Variants in ANTXR2 observed in about 807,000 individuals in gnomAD.
ANTXR2 encodes anthrax toxin receptor 2.
A neutral mutation model predicts 73.7 loss-of-function variants in ANTXR2; 44 were observed. The observed-to-expected ratio is 0.60, with a 90% CI of 0.47 to 0.77. The LOEUF (loss-of-function observed/expected upper bound fraction) is 0.77, where lower values mean the gene tolerates loss of function less well. Among genes scored for constraint, ANTXR2 ranks in the 30% least tolerant of loss-of-function variants. ANTXR2 has a pLI of 0.00. For synonymous variants in ANTXR2, 217 were observed against 205.9 expected (o/e 1.05, Z -0.46); for missense variants, 604 against 592.5 (o/e 1.02, Z -0.20).
intron 2 of ANTXR2, 70 bp from the exon 3 acceptor site, chr4:80,069,577 T>C (rs1734686666): frequency 5.6e-6 from 7 of 1,240,386 alleles, no homozygotes; most frequent in African/African-American, 1.5e-5. Context: ...AGATGTATAG[T>C]TAGGGAGGTT....
intron 16 of ANTXR2, among the ~76,000 whole-genome samples, chr4:79,962,866 G>C (rs762168437): frequency 4.6e-5 from 7 of 152,056 alleles, no homozygotes; most frequent in Non-Finnish European, 1.0e-4. Flanking sequence ...GAGTAGCCCA[G>C]GCTATCAATA....
At chr4:80,015,099 C>T (rs191526312) in intron 11 of ANTXR2, among the ~76,000 whole-genome samples, 9 of 152,308 alleles carry the variant, frequency 5.9e-5, no homozygotes, top group Non-Finnish European at 1.0e-4. Flanking sequence ...CTTCCTACAA[C>T]CTCAGCAAAA....
intron 12 of ANTXR2, among the ~76,000 whole-genome samples, chr4:79,999,329 T>G (rs1730902066): frequency 6.6e-6 from 1 of 151,920 alleles, no homozygotes; most frequent in Admixed American, 6.6e-5. Context: ...AATGAGGCAG[T>G]TTCCCCTCCT....
At position 80,047,892 on chromosome 4, in the gene ANTXR2, C is replaced by A. The variant is rs543565834; in HGVS notation, c.636+6380G>T. On this transcript the variant is annotated intron_variant, in intron 7 of 16. Transcript: ENST00000403729. ...TACAGGCCAGTAACATTCTATTTTT[C>A]TTTTCCTTAAACTATTATTAACTGA... 6.1e-4 allele frequency among the ~76,000 whole-genome samples: 92 copies of A among 151,748 alleles called. 3 individuals are homozygous for A. The highest frequency in any genetic ancestry group is 6.0e-3 in the Admixed American group (91 of 15,202).
At chr4:80,031,595 A>G in intron 10 of ANTXR2, 28 bp downstream of exon 10, 4 of 1,409,352 alleles carry the variant, frequency 2.8e-6, no homozygotes, top group Non-Finnish European at 2.8e-6. Flanking sequence ...TAAAAATGTT[A>G]TAAAATTGTT....
At chr4:79,959,375 T>C (rs1381653863) in intron 16 of ANTXR2, among the ~76,000 whole-genome samples, 1 of 152,114 alleles carries the variant, frequency 6.6e-6, no homozygotes, top group African/African-American at 2.4e-5. Context: ...ATAACAGAAA[T>C]GTTTAAATTC....
rs965588607 is a variant in ANTXR2, at chr4:80,033,534, A to T, written c.734T>A (p.Met245Lys). 14 of 1,598,206 alleles carry T rather than the reference A, an allele frequency of 8.8e-6. No homozygotes were observed. Among genetic ancestry groups the T allele is most frequent in the Non-Finnish European group, 1.2e-5 (14 of 1,174,476 alleles). Residue 245 changes from methionine to lysine, a missense_variant, in exon 9 of 17, where the codon ATG becomes AAG. Transcript: ENST00000403729. ...FQIVLSGRGFMLGSRNGSVLC... is the reference protein window; with the variant it reads ...FQIVLSGRGFKLGSRNGSVLC... ...AACACTGCCATTCCGACTGCCCAGC[A>T]TGAATCCTCTTCCACTTAAGACAAT...
At chr4:80,014,513 C>T (rs934745498) in intron 11 of ANTXR2, among the ~76,000 whole-genome samples, 1 of 151,984 alleles carries the variant, frequency 6.6e-6, no homozygotes. Flanking sequence ...TTGCAGTGAG[C>T]CAAACTGGCG....
intron 12 of ANTXR2, among the ~76,000 whole-genome samples, chr4:79,995,634 T>C (rs1243587512): frequency 6.6e-6 from 1 of 152,022 alleles, no homozygotes; most frequent in Non-Finnish European, 1.5e-5. Flanking sequence ...TTTGCTTCTA[T>C]GCCTTTCCAT....
At chr4:79,934,227 T>C (rs1317499613) in intron 16 of ANTXR2, among the ~76,000 whole-genome samples, 2 of 152,272 alleles carry the variant, frequency 1.3e-5, no homozygotes, top group East Asian at 3.9e-4. Flanking sequence ...ATGTAGGTTG[T>C]CTTTTAAAAC....
At chr4:79,978,202 T>C (rs913214917) in intron 14 of ANTXR2, 28 bp from the exon 15 acceptor site, 18 of 1,609,086 alleles carry the variant, frequency 1.1e-5, no homozygotes, top group Non-Finnish European at 1.4e-5. Context: ...AGTACTGTTA[T>C]CAGACATAAA....
intron 9 of ANTXR2, among the ~76,000 whole-genome samples, chr4:80,032,303 T>C (rs1448701614): frequency 6.6e-6 from 1 of 151,846 alleles, no homozygotes; most frequent in Non-Finnish European, 1.5e-5. Flanking sequence ...CCTAATCTTA[T>C]GTAGCTAAAC....
chr4:80,039,638 A>T (rs555673084), intron 7 of ANTXR2, among the ~76,000 whole-genome samples: 3 of 152,210 alleles, frequency 2.0e-5, no homozygotes, highest in African/African-American at 4.8e-5. Flanking sequence ...AAACCAACAA[A>T]TGCTGGTGAG....
chr4:80,069,443 C>T lies in ANTXR2; in HGVS notation c.289G>A (p.Gly97Arg). 6.3e-7 allele frequency: 1 copy of T among 1,594,576 alleles called. No homozygotes were observed. Among genetic ancestry groups the T allele is most frequent in the Non-Finnish European group, 8.6e-7 (1 of 1,165,788 alleles). Residue 97 changes from glycine to arginine, a missense_variant, in exon 3 of 17, where the codon GGA becomes AGA. Coordinates refer to ENST00000403729, the MANE Select transcript of ANTXR2 (RefSeq NM_058172.6). ...SQATIILPLT[G>R]DRGKISKGLE... ...AAATGATAATGCACTAACCTGTCTC[C>T]AGTTAATGGCAAAATAATAGTTGCT...
chr4:79,909,645 CA>C (rs987166490), intron 16 of ANTXR2, among the ~76,000 whole-genome samples: 301 of 144,272 alleles, frequency 2.1e-3, no homozygotes, highest in African/African-American at 4.1e-3. Flanking sequence ...ATATAAGCAC[CA>C]AAAAAAAAAA....
intron 7 of ANTXR2, among the ~76,000 whole-genome samples, chr4:80,048,048 T>C (rs1369143486): frequency 1.3e-5 from 2 of 151,622 alleles, no homozygotes; most frequent in African/African-American, 4.8e-5. Flanking sequence ...TAGAAAAATA[T>C]AAAAACATTT....
chr4:79,917,009 T>C (rs1175407744), intron 16 of ANTXR2, among the ~76,000 whole-genome samples: 6 of 152,146 alleles, frequency 3.9e-5, no homozygotes, highest in Non-Finnish European at 7.4e-5. Context: ...TGCTATTAAA[T>C]ACAAACATGT....
intron 16 of ANTXR2, among the ~76,000 whole-genome samples, chr4:79,973,629 A>G (rs1465980543): frequency 1.3e-5 from 2 of 152,090 alleles, no homozygotes; most frequent in Non-Finnish European, 2.9e-5. Flanking sequence ...GGGTTTCACC[A>G]TGTTGGCCAG....
At chr4:79,981,792 C>T (rs13119605) in intron 14 of ANTXR2, among the ~76,000 whole-genome samples, 11,281 of 152,240 alleles carry the variant, frequency 0.074, 493 homozygotes, top group Middle Eastern at 0.11. Flanking sequence ...ATGGAATACT[C>T]CATGCAAGGT....
Sources: allele counts gnomAD v4.1 joint callset (sites outside exome capture counted in the v4.1 genomes callset), GRCh38; gene constraint gnomAD v4.1.1; transcripts MANE v1.5; gene names NCBI Gene and HGNC (gene_info 2026-07-23, HGNC 2026-07-21).